The following ATP2B4 variants were observed in gnomAD, a reference collection of about 807,000 sequenced individuals.
The protein encoded by ATP2B4 is ATPase plasma membrane Ca2+ transporting 4.
In ATP2B4, 39 loss-of-function variants were observed where a neutral mutation model predicts 110.3. The observed-to-expected ratio is 0.35, with a 90% CI of 0.27 to 0.46. The LOEUF (loss-of-function observed/expected upper bound fraction) is 0.46. ATP2B4 is among the 20% of genes least tolerant of loss of function. The pLI, the probability that ATP2B4 is intolerant of heterozygous loss-of-function variation, is 1.00. For missense variants in ATP2B4, 1,135 were observed against 1,530.9 expected (o/e 0.74, Z 4.32); for synonymous variants, 538 against 571.7 (o/e 0.94, Z 0.84).
In ATP2B4 at chr1:203,703,633, A is replaced by G; in HGVS notation, c.938-19A>G. The G allele has an allele frequency of 6.2e-7, 1 of 1,612,348 alleles. No individual in the cohort carries two copies. The highest frequency in any genetic ancestry group is 8.5e-7 in the Non-Finnish European group (1 of 1,179,074). ...ACCACCTTGCCTGCTCACCTGTCCTATTTGTGTGTACACTCCAGCAAAGAC... is the reference window on the plus strand; with the variant it reads ...ACCACCTTGCCTGCTCACCTGTCCTGTTTGTGTGTACACTCCAGCAAAGAC... On this transcript the variant is annotated intron_variant, in intron 7 of 20. Coordinates refer to ENST00000357681, the MANE Select transcript of ATP2B4 (RefSeq NM_001684.5).
intron 1 of ATP2B4, among the ~76,000 whole-genome samples, chr1:203,630,542 C>G (rs1190272570): frequency 6.6e-6 from 1 of 152,108 alleles, no homozygotes. Context: ...TTAGCCAAAC[C>G]CCTAAAAAAC....
chr1:203,726,358 G>T (rs898003555), intron 19 of ATP2B4, among the ~76,000 whole-genome samples: 1 of 151,730 alleles, frequency 6.6e-6, no homozygotes, highest in African/African-American at 2.4e-5. Flanking sequence ...ATGAACCGCT[G>T]CACCCAGCCC....
chr1:203,709,462 G>T lies in ATP2B4; in HGVS notation c.1719G>T (p.Lys573Asn). Residue 573 changes from lysine (K) to asparagine (N), a missense_variant, in exon 11 of 21, where the codon AAG becomes AAT. Lys to Asn is a moderately conservative substitution (Grantham distance 94). Around this residue, in one of 9 missense-constraint regions of ATP2B4, gnomAD observed 368 missense variants for 455.9 expected, o/e 0.81. Coordinates refer to ENST00000357681, the MANE Select transcript of ATP2B4 (RefSeq NM_001684.5). ...YKVYTFNSVR[K>N]SMSTVIRNPN... is the part of the protein sequence containing the mutation. ...TGTACACCTTTAACTCAGTGCGCAA[G>T]TCAATGAGCACCGTCATCAGGAATC... 1 of 1,614,210 alleles carries T rather than the reference G, an allele frequency of 6.2e-7. No homozygotes were observed. The highest frequency in any genetic ancestry group is 8.5e-7 in the Non-Finnish European group (1 of 1,180,042).
At chr1:203,724,076 C>G (rs1052692362) in intron 19 of ATP2B4, 88 bp downstream of exon 19, 1 of 1,058,768 alleles carries the variant, frequency 9.4e-7, no homozygotes, top group East Asian at 2.7e-5. Flanking sequence ...ACGGTGGAGA[C>G]CCCCCAGCTC....
At chr1:203,732,526 G>A (rs755806607) in intron 20 of ATP2B4, among the ~76,000 whole-genome samples, 1 of 152,040 alleles carries the variant, frequency 6.6e-6, no homozygotes, top group East Asian at 1.9e-4. Flanking sequence ...ATGGCCCAGG[G>A]GTCTTTCCAT....
intron 2 of ATP2B4, among the ~76,000 whole-genome samples, chr1:203,693,933 C>T (rs1665458987): frequency 6.6e-6 from 1 of 152,278 alleles, no homozygotes; most frequent in Middle Eastern, 3.4e-3. Flanking sequence ...AGTGCAGCTG[C>T]CTCCATGTCC....
intron 3 of ATP2B4, among the ~76,000 whole-genome samples, chr1:203,699,100 A>C (rs139461765): frequency 3.2e-3 from 485 of 152,272 alleles, no homozygotes; most frequent in African/African-American, 0.011. Flanking sequence ...TTATCCAACC[A>C]ACAAAACCCT....
At chr1:203,646,206 G>A (rs1663794646) in intron 1 of ATP2B4, among the ~76,000 whole-genome samples, 1 of 150,596 alleles carries the variant, frequency 6.6e-6, no homozygotes, top group South Asian at 2.1e-4. Context: ...TAAGGAAGGA[G>A]TCATTCCTAT....
At chr1:203,632,565 G>A (rs1389186384) in intron 1 of ATP2B4, among the ~76,000 whole-genome samples, 2 of 151,416 alleles carry the variant, frequency 1.3e-5, no homozygotes, top group African/African-American at 2.4e-5. Context: ...GGATGGTTTC[G>A]ATCTCCCGAC....
intron 2 of ATP2B4, 71 bp from the exon 3 acceptor site, chr1:203,698,086 C>T: frequency 7.4e-7 from 1 of 1,359,750 alleles, no homozygotes. Flanking sequence ...GGCTCACTGC[C>T]ACTTCAAAAC....
chr1:203,667,285 C>T (rs4501883), intron 1 of ATP2B4, among the ~76,000 whole-genome samples: 110,982 of 152,100 alleles, frequency 0.73, 43,712 homozygotes, highest in Non-Finnish European at 0.88. Context: ...GACAGAAGCC[C>T]GTGATCTACT....
At chr1:203,681,897 A>G (rs1012514250) in intron 1 of ATP2B4, among the ~76,000 whole-genome samples, 9 of 148,652 alleles carry the variant, frequency 6.1e-5, no homozygotes, top group African/African-American at 2.0e-4. Flanking sequence ...CAAACTCCCT[A>G]TCTTTCCTCC....
At chr1:203,635,286 T>A (rs776557948) in intron 1 of ATP2B4, among the ~76,000 whole-genome samples, 11 of 152,126 alleles carry the variant, frequency 7.2e-5, no homozygotes, top group South Asian at 4.1e-4. Flanking sequence ...CATTTATTTT[T>A]GAAACAGGGC....
intron 1 of ATP2B4, among the ~76,000 whole-genome samples, chr1:203,642,120 C>T (rs1191522495): frequency 2.6e-5 from 4 of 151,860 alleles, no homozygotes; most frequent in African/African-American, 4.8e-5. Flanking sequence ...CTCACTTTTT[C>T]GCCCAGGCTG....
chr1:203,686,817 C>G (rs1571722482), intron 2 of ATP2B4, among the ~76,000 whole-genome samples: 1 of 148,446 alleles, frequency 6.7e-6, no homozygotes, highest in Admixed American at 6.9e-5. Flanking sequence ...CTTCAGACTC[C>G]CAAGTAGCTA....
At chr1:203,738,044 TCTC>T (rs1428412002) in intron 20 of ATP2B4, among the ~76,000 whole-genome samples, 1 of 152,080 alleles carries the variant, frequency 6.6e-6, no homozygotes, top group East Asian at 1.9e-4. Flanking sequence ...TCTTGTGTCT[TCTC>T]CTGGAATATA....
chr1:203,726,071 CAAAA>C (rs58722256), intron 19 of ATP2B4, among the ~76,000 whole-genome samples: 1 of 93,236 alleles, frequency 1.1e-5, no homozygotes, highest in African/African-American at 3.8e-5. Context: ...ACTAAAAATA[CAAAA>C]AAAAAAAAAA....
At chr1:203,642,988 C>T (rs1317001762) in intron 1 of ATP2B4, among the ~76,000 whole-genome samples, 1 of 152,194 alleles carries the variant, frequency 6.6e-6, no homozygotes, top group Non-Finnish European at 1.5e-5. Flanking sequence ...GAGCCTGGCA[C>T]CAGCCTGCCC....
At chr1:203,683,666 C>CTTTTTTTTTTTTTTTT (rs11326748) in intron 2 of ATP2B4, among the ~76,000 whole-genome samples, 49 of 77,698 alleles carry the variant, frequency 6.3e-4, no homozygotes, top group South Asian at 1.2e-3. Context: ...TCTTTTGTTT[C>CTTTTTTTTTTTTTTTT]TTTTTTTTTT....
Sources: allele counts gnomAD v4.1 joint callset (sites outside exome capture counted in the v4.1 genomes callset), GRCh38; gene constraint gnomAD v4.1.1; regional missense constraint gnomAD v4.1.1; transcripts MANE v1.5; gene names NCBI Gene and HGNC (gene_info 2026-07-23, HGNC 2026-07-21).